The following GSE1 variants were observed in gnomAD, a reference collection of about 807,000 sequenced individuals.
The protein encoded by GSE1 is genetic suppressor element 1.
Under a neutral mutation model 112.6 loss-of-function variants are expected in GSE1, and 32 were observed. The ratio of observed to expected loss-of-function variants is 0.28; its 90% CI spans 0.21 to 0.38. The LOEUF is 0.38. Ranked by LOEUF, GSE1 falls within the 10% of genes least tolerant of loss-of-function variation. GSE1 has a pLI of 1.00. For synonymous variants in GSE1, 1,115 were observed against 735.6 expected, an observed-to-expected ratio of 1.52 and a Z score of -8.35; for missense variants, 2,348 against 1,699.2, an observed-to-expected ratio of 1.38 and a Z score of -6.71.
intron 2 of GSE1, among the ~76,000 whole-genome samples, chr16:85,361,111 A>T (rs2047064263): frequency 6.6e-6 from 1 of 151,084 alleles, no homozygotes; most frequent in South Asian, 2.1e-4. Context: ...ACGGGCAGAG[A>T]CAGACAGAGA....
At chr16:85,570,218 G>C (rs1052792214) in intron 1 of GSE1, among the ~76,000 whole-genome samples, 2 of 152,176 alleles carry the variant, frequency 1.3e-5, no homozygotes, top group Admixed American at 6.5e-5. Context: ...CTGGCCCTTG[G>C]TCAGTGTCCA....
intron 1 of GSE1, among the ~76,000 whole-genome samples, chr16:85,248,028 C>T (rs1906048159): frequency 6.6e-6 from 1 of 152,216 alleles, no homozygotes; most frequent in Admixed American, 6.5e-5. Flanking sequence ...TTTAAAAGAG[C>T]TTACTTAAGG....
chr16:85,232,976 G>A (rs1012624146), intron 1 of GSE1, among the ~76,000 whole-genome samples: 6 of 152,274 alleles, frequency 3.9e-5, no homozygotes, highest in Admixed American at 1.3e-4. Flanking sequence ...CCACGTGGGC[G>A]TCAAGGTGGG....
chr16:85,641,260 C>T (rs986594529), intron 2 of GSE1, among the ~76,000 whole-genome samples: 6 of 152,258 alleles, frequency 3.9e-5, no homozygotes, highest in East Asian at 1.9e-4. Flanking sequence ...CGGCTCCATC[C>T]GGCTCCCAGG....
At chr16:85,553,371 G>A (rs1173097253), upstream of GSE1, among the ~76,000 whole-genome samples, 2 of 151,366 alleles carry the variant, frequency 1.3e-5, no homozygotes, top group African/African-American at 4.8e-5. Flanking sequence ...GGAAACAAAG[G>A]GCCGCCGGCG....
intron 2 of GSE1, among the ~76,000 whole-genome samples, chr16:85,418,715 T>C (rs983840080): frequency 2.6e-5 from 4 of 151,956 alleles, no homozygotes; most frequent in African/African-American, 9.7e-5. Flanking sequence ...CCCTGGCCAC[T>C]ATATGAGGAA....
chr16:85,600,007 C>T (rs535890499), intron 1 of GSE1, among the ~76,000 whole-genome samples: 1 of 152,164 alleles, frequency 6.6e-6, no homozygotes, highest in Admixed American at 6.5e-5. Flanking sequence ...AAGGTCCCTC[C>T]TGTGTGAGCC....
intron 2 of GSE1, among the ~76,000 whole-genome samples, chr16:85,529,862 A>G (rs1047294560): frequency 6.6e-6 from 1 of 151,970 alleles, no homozygotes; most frequent in Non-Finnish European, 1.5e-5. Context: ...GCCACGAAAC[A>G]CCTCTGTCCT....
chr16:85,250,873 A>G (rs1246877094), intron 1 of GSE1, among the ~76,000 whole-genome samples: 3 of 120,642 alleles, frequency 2.5e-5, no homozygotes, highest in South Asian at 5.0e-4. Context: ...TCTTGTCTCC[A>G]GGCATTGGCC....
chr16:85,505,020 C>G (rs913644716), intron 2 of GSE1, among the ~76,000 whole-genome samples: 16 of 96,852 alleles, frequency 1.7e-4, no homozygotes, highest in Non-Finnish European at 1.8e-4. Flanking sequence ...CACACATGTG[C>G]ACGCACACAC....
intron 1 of GSE1, among the ~76,000 whole-genome samples, chr16:85,630,279 T>G (rs1204331088): frequency 6.6e-6 from 1 of 152,218 alleles, no homozygotes; most frequent in Non-Finnish European, 1.5e-5. Flanking sequence ...AGTTGCTCAG[T>G]CTGGCCCACG....
rs556816759 is a variant in GSE1 at position 85,408,422 on chromosome 16, C to A, written c.2464+50779C>A. ...ATAATCCTCACTGTTACACTCAGGG[C>A]CCCCTGGATAATCCTCACTGTTACA... On this transcript the variant is annotated intron_variant, in intron 2 of 2. Coordinates refer to the GSE1 transcript ENST00000637419. Among the ~76,000 whole-genome samples, 7 of 40,850 alleles carry A rather than the reference C, an allele frequency of 1.7e-4. 2 individuals carry two copies. Among genetic ancestry groups the A allele is most frequent in the Admixed American group, 8.1e-4 (4 of 4,908 alleles). The allele number at this position is 40,850 out of a possible 152,430, so 26.8% of individuals were successfully genotyped here.
chr16:85,210,013 A>G (rs2075197441), intron 1 of GSE1, among the ~76,000 whole-genome samples: 1 of 152,226 alleles, frequency 6.6e-6, no homozygotes, highest in African/African-American at 2.4e-5. Context: ...TACAGTCTAA[A>G]CTATTAGCAT....
At chr16:85,613,146 C>G (rs1329312042), upstream of GSE1, 11 of 1,303,854 alleles carry the variant, frequency 8.4e-6, no homozygotes, top group South Asian at 1.2e-4. Context: ...CGACACCTCC[C>G]GCTGGCTGAG....
At chr16:85,232,156 G>A (rs1489064398) in intron 1 of GSE1, among the ~76,000 whole-genome samples, 1 of 152,228 alleles carries the variant, frequency 6.6e-6, no homozygotes, top group African/African-American at 2.4e-5. Flanking sequence ...GGAGGTAAAT[G>A]TTTGTTTCAA....
At chr16:85,315,254 C>T (rs7188497) in intron 1 of GSE1, among the ~76,000 whole-genome samples, 72,313 of 151,974 alleles carry the variant, frequency 0.48, 18,094 homozygotes, top group Middle Eastern at 0.57. Flanking sequence ...CACAGCTCTG[C>T]CCCGTCTTCA....
At chr16:85,653,470 G>C (rs947485136) in intron 3 of GSE1, among the ~76,000 whole-genome samples, 2 of 150,624 alleles carry the variant, frequency 1.3e-5, no homozygotes, top group Non-Finnish European at 3.0e-5. Context: ...ACCTCAGCCC[G>C]GAAGGTGGGC....
In GSE1 at chr16:85,572,827, C is replaced by A. The variant is rs1221176493; in HGVS notation, c.37+16464C>A. Among the ~76,000 whole-genome samples the A allele has an allele frequency of 2.0e-5, 3 of 152,162 alleles. No homozygotes were observed. In the East Asian group the frequency reaches 5.8e-4, roughly 29 times the overall value. ...CTTGTCTATTACCTAAAGGAAGGCC[C>A]ACTTTGGAGAACCTGCAGATGATCA... On this transcript the variant is annotated intron_variant, in intron 1 of 2. Coordinates refer to the GSE1 transcript ENST00000635906.
chr16:85,467,733 C>T (rs1248468641), intron 2 of GSE1, among the ~76,000 whole-genome samples: 3 of 152,156 alleles, frequency 2.0e-5, no homozygotes, highest in Non-Finnish European at 4.4e-5. Flanking sequence ...CAAAGGCTGC[C>T]CGGGTTCAAG....
Sources: allele counts gnomAD v4.1 joint callset (sites outside exome capture counted in the v4.1 genomes callset), GRCh38; gene constraint gnomAD v4.1.1; transcripts MANE v1.5; gene names NCBI Gene and HGNC (gene_info 2026-07-23, HGNC 2026-07-21).